SUCLG2: variants seen among roughly 807,000 people sequenced by gnomAD.
SUCLG2 encodes succinate-CoA ligase GDP-forming subunit beta, also known as succinate--CoA ligase [GDP-forming] subunit beta, mitochondrial.
A neutral mutation model predicts 47.9 loss-of-function variants in SUCLG2; 42 were observed. That is an observed-to-expected ratio of 0.88 (90% confidence interval 0.69 to 1.14). SUCLG2 has a LOEUF of 1.14. Ranked by LOEUF, SUCLG2 falls within the 50% of genes most tolerant of loss-of-function variation. The pLI, the probability that SUCLG2 is intolerant of heterozygous loss-of-function variation, is 0.00. For missense variants in SUCLG2, 571 were observed against 525.9 expected (o/e 1.09, Z -0.84); for synonymous variants, 195 against 197.3 (o/e 0.99, Z 0.10).
At chr3:67,508,036 T>C (rs1263280237) in intron 7 of SUCLG2, among the ~76,000 whole-genome samples, 1 of 152,212 alleles carries the variant, frequency 6.6e-6, no homozygotes, top group African/African-American at 2.4e-5. Flanking sequence ...CAAGAAACAG[T>C]GCAGTGGTGG....
In SUCLG2 at chr3:67,570,447, A is replaced by C. The variant is rs185250892; in HGVS notation, c.226+39008T>G. ...CTTTTGTCCTCAACTTCTAGGAGGC[A>C]ACCCATGTCATCCCTATGGGAATAT... On this transcript the variant is annotated intron_variant, in intron 2 of 10. Coordinates refer to ENST00000307227, the MANE Select transcript of SUCLG2 (RefSeq NM_003848.4). 1.6e-4 allele frequency among the ~76,000 whole-genome samples: 25 copies of C among 152,348 alleles called. No individual in the cohort carries two copies. In the East Asian group the frequency reaches 4.2e-3, roughly 26 times the overall value.
At chr3:67,552,925 G>A (rs58457361) in intron 2 of SUCLG2, among the ~76,000 whole-genome samples, 2 of 152,270 alleles carry the variant, frequency 1.3e-5, no homozygotes, top group South Asian at 2.1e-4. Context: ...CTGAACACCT[G>A]TTAGGTGATA....
At chr3:67,553,499 ATAATTCAAGTTAGATACACTAAACTCCCT>A (rs1448821146) in intron 2 of SUCLG2, among the ~76,000 whole-genome samples, 2 of 152,246 alleles carry the variant, frequency 1.3e-5, no homozygotes, top group African/African-American at 4.8e-5. Flanking sequence ...TTGGACTTAA[ATAATTCAAGTTAGATACACTAAACTCCCT>A]TAAGTAATCA....
At chr3:67,438,124 A>T (rs1396567962) in intron 9 of SUCLG2, among the ~76,000 whole-genome samples, 5 of 152,242 alleles carry the variant, frequency 3.3e-5, no homozygotes, top group Admixed American at 3.3e-4. Flanking sequence ...CTGTTCATAA[A>T]TGACTACTGG....
chr3:67,546,238 A>G (rs1706859770), intron 2 of SUCLG2, among the ~76,000 whole-genome samples: 1 of 152,232 alleles, frequency 6.6e-6, no homozygotes, highest in Non-Finnish European at 1.5e-5. Flanking sequence ...GTTTGGAATT[A>G]TACCACCCAA....
At chr3:67,570,143 G>T (rs571116816) in intron 2 of SUCLG2, among the ~76,000 whole-genome samples, 2 of 152,198 alleles carry the variant, frequency 1.3e-5, no homozygotes, top group Non-Finnish European at 2.9e-5. Context: ...GTAATCATCT[G>T]CAAGTCAAGA....
intron 1 of SUCLG2, among the ~76,000 whole-genome samples, chr3:67,612,311 A>G (rs1700541591): frequency 6.6e-6 from 1 of 151,248 alleles, no homozygotes; most frequent in Admixed American, 6.6e-5. Flanking sequence ...GTGAGCTATG[A>G]TTGTGCCACT....
At chr3:67,507,735 T>C (rs991898259) in intron 7 of SUCLG2, among the ~76,000 whole-genome samples, 3 of 152,242 alleles carry the variant, frequency 2.0e-5, no homozygotes, top group African/African-American at 7.2e-5. Context: ...CAAAAGTTGA[T>C]GTGTTTACAC....
rs1318263038 is a variant in SUCLG2, at chr3:67,387,790, A to G, written c.1184-11931T>C. Among the ~76,000 whole-genome samples, 4 of 152,290 alleles carry G rather than the reference A, an allele frequency of 2.6e-5. No individual in the cohort carries two copies. The East Asian group carries it at 5.8e-4, about 22-fold the overall frequency. On this transcript the variant is annotated intron_variant, in intron 10 of 10. Coordinates refer to ENST00000307227, the MANE Select transcript of SUCLG2 (RefSeq NM_003848.4). ...GATTTGACATTTCTAAATTTGTTAG[A>G]TGATCAGATTTGAATCTTTTAACTA... is the stretch of plus-strand genomic sequence containing the variant.
chr3:67,380,144 C>T (rs1702122716), intron 10 of SUCLG2, among the ~76,000 whole-genome samples: 1 of 150,900 alleles, frequency 6.6e-6, no homozygotes, highest in Non-Finnish European at 1.5e-5. Context: ...CCGCAAACTG[C>T]TCAAGGTGCA....
At position 67,512,519 on chromosome 3, in the gene SUCLG2, T is replaced by C. The variant is rs139720243; in HGVS notation, c.661-3616A>G. On this transcript the variant is annotated intron_variant, in intron 6 of 10. Transcript: ENST00000307227. The stretch of plus-strand genomic sequence containing the variant: ...AAATATCGGTTGAATTAAAGATTAA[T>C]TCAGTTCTAAGTGGGGACTACATAA... Among the ~76,000 whole-genome samples the C allele has an allele frequency of 4.5e-3, 675 of 151,064 alleles. 15 individuals are homozygous for C. In the East Asian group the frequency reaches 0.054, roughly 12 times the overall value.
chr3:67,511,265 T>C (rs1020048603), intron 6 of SUCLG2, among the ~76,000 whole-genome samples: 3 of 152,174 alleles, frequency 2.0e-5, no homozygotes, highest in African/African-American at 7.2e-5. Flanking sequence ...ATTTTCCAAT[T>C]CACAATCATT....
rs138381345 is a variant in SUCLG2 at position 67,511,350 on chromosome 3, T to C, written c.661-2447A>G. Among the ~76,000 whole-genome samples the C allele has an allele frequency of 9.3e-3, 1,422 of 152,286 alleles. 12 individuals carry two copies. The highest frequency in any genetic ancestry group is 0.014 in the Non-Finnish European group (919 of 68,028). On this transcript the variant is annotated intron_variant, in intron 6 of 10. Coordinates refer to ENST00000307227, the MANE Select transcript of SUCLG2 (RefSeq NM_003848.4). The stretch of plus-strand genomic sequence containing the variant: ...GGTATGGTTGGGCTCTGTGTCCCCA[T>C]CCAAATCTCACCTTGAATTGTAATA...
chr3:67,572,430 C>T (rs761075762), intron 2 of SUCLG2, among the ~76,000 whole-genome samples: 2 of 152,084 alleles, frequency 1.3e-5, no homozygotes, highest in Non-Finnish European at 2.9e-5. Flanking sequence ...AGTTCTTTAG[C>T]CTATAAATAG....
At chr3:67,573,177 G>C (rs1024988025) in intron 2 of SUCLG2, among the ~76,000 whole-genome samples, 9 of 152,070 alleles carry the variant, frequency 5.9e-5, no homozygotes, top group Non-Finnish European at 1.2e-4. Context: ...AATAAATGGA[G>C]AGCTATTCCA....
At chr3:67,501,776 AG>A (rs140483153) in intron 7 of SUCLG2, among the ~76,000 whole-genome samples, 171 of 152,256 alleles carry the variant, frequency 1.1e-3, no homozygotes, top group African/African-American at 4.1e-3. Context: ...TGCCAAACAC[AG>A]GGAGGTGCTA....
At chr3:67,440,934 T>A (rs56348735) in intron 9 of SUCLG2, among the ~76,000 whole-genome samples, 8,739 of 152,228 alleles carry the variant, frequency 0.057, 374 homozygotes, top group East Asian at 0.22. Context: ...CACACTTATG[T>A]TTACTGCAGC....
chr3:67,499,952 C>T (rs1447754501), intron 7 of SUCLG2, among the ~76,000 whole-genome samples: 2 of 152,012 alleles, frequency 1.3e-5, no homozygotes, highest in African/African-American at 4.8e-5. Context: ...AGGATGGTCT[C>T]GATCTCCTGA....
At chr3:67,434,626 A>T (rs532676728) in intron 9 of SUCLG2, among the ~76,000 whole-genome samples, 1 of 152,390 alleles carries the variant, frequency 6.6e-6, no homozygotes, top group South Asian at 2.1e-4. Flanking sequence ...CTCAACACTT[A>T]GGATGAGAGA....
Sources: allele counts gnomAD v4.1 joint callset (sites outside exome capture counted in the v4.1 genomes callset), GRCh38; gene constraint gnomAD v4.1.1; transcripts MANE v1.5; gene names NCBI Gene and HGNC (gene_info 2026-07-23, HGNC 2026-07-21).